The following LDB2 variants were observed in gnomAD, a reference collection of about 807,000 sequenced individuals.
LDB2 encodes the protein LIM domain-binding protein 2.
Under a neutral mutation model 44.3 loss-of-function variants are expected in LDB2, and 12 were observed. The ratio of observed to expected loss-of-function variants is 0.27; its 90% CI spans 0.17 to 0.44. The LOEUF is 0.44. Ranked by LOEUF, LDB2 falls within the 20% of genes least tolerant of loss-of-function variation. The probability of loss-of-function intolerance (pLI) is 1.00; values close to 1 mark genes in which losing one functional copy is unlikely to be tolerated. For missense variants in LDB2, 344 were observed against 473.5 expected (o/e 0.73, Z 2.54); for synonymous variants, 164 against 174.8 (o/e 0.94, Z 0.49).
chr4:16,752,412 T>G (rs73799266), intron 2 of LDB2: 6,472 of 453,554 alleles, frequency 0.014, 142 homozygotes, highest in African/African-American at 0.069. Flanking sequence ...CTCACCATTT[T>G]CCATTAATAT....
intron 1 of LDB2, among the ~76,000 whole-genome samples, chr4:16,896,334 C>T (rs114628897): frequency 0.047 from 7,126 of 152,184 alleles, 201 homozygotes; most frequent in Non-Finnish European, 0.063. Flanking sequence ...CTTTGCAAAG[C>T]ATACTGCGAA....
chr4:16,734,812 G>T (rs1056550284), intron 2 of LDB2, among the ~76,000 whole-genome samples: 1 of 150,590 alleles, frequency 6.6e-6, no homozygotes, highest in Non-Finnish European at 1.5e-5. Context: ...GGGTTCAAGC[G>T]ATTCTCCTGC....
chr4:16,741,916 C>T (rs1415416418), intron 2 of LDB2, among the ~76,000 whole-genome samples: 2 of 152,162 alleles, frequency 1.3e-5, no homozygotes, highest in Admixed American at 1.3e-4. Context: ...CTTATGAGGT[C>T]AGGGGCTCTT....
intron 6 of LDB2, 68 bp downstream of exon 6, chr4:16,511,913 C>T (rs1020605636): frequency 2.0e-6 from 3 of 1,512,222 alleles, no homozygotes; most frequent in Non-Finnish European, 2.7e-6. Flanking sequence ...TTCTTTTTCA[C>T]ATCACTTCAT....
intron 2 of LDB2, among the ~76,000 whole-genome samples, chr4:16,656,403 A>G (rs1007156565): frequency 2.0e-5 from 3 of 152,160 alleles, no homozygotes; most frequent in Non-Finnish European, 4.4e-5. Context: ...GTGCAGGACA[A>G]CTCAGTCTAA....
At chr4:16,853,254 C>T (rs1052496713) in intron 1 of LDB2, among the ~76,000 whole-genome samples, 1 of 152,022 alleles carries the variant, frequency 6.6e-6, no homozygotes, top group African/African-American at 2.4e-5. Flanking sequence ...GTTAATATCC[C>T]AAATTTGCAA....
At chr4:16,791,996 CG>C (rs1775862362) in intron 1 of LDB2, among the ~76,000 whole-genome samples, 1 of 152,124 alleles carries the variant, frequency 6.6e-6, no homozygotes, top group Non-Finnish European at 1.5e-5. Flanking sequence ...TAGTGACTTA[CG>C]TAGATAAACT....
chr4:16,589,058 G>C (rs531019434), intron 3 of LDB2, among the ~76,000 whole-genome samples: 1 of 152,302 alleles, frequency 6.6e-6, no homozygotes, highest in South Asian at 2.1e-4. Context: ...TGATGTGCTA[G>C]TAATTCTACT....
In LDB2 at chr4:16,851,562, C is replaced by T. The variant is rs573382450; in HGVS notation, c.132+46792G>A. Among the ~76,000 whole-genome samples the T allele has an allele frequency of 4.0e-5, 6 of 151,334 alleles. No homozygotes were observed. The South Asian group carries it at 8.4e-4, about 21-fold the overall frequency. On this transcript the variant is annotated intron_variant, in intron 1 of 7. Transcript: ENST00000304523. ...TGAGCCAAGCTCGCACCACTGCACT[C>T]CAGTCTGGGTGAAACAGCGAGACTC...
At chr4:16,817,247 G>A (rs562300405) in intron 1 of LDB2, among the ~76,000 whole-genome samples, 1 of 152,034 alleles carries the variant, frequency 6.6e-6, no homozygotes, top group Non-Finnish European at 1.5e-5. Flanking sequence ...TTCCCAGCTC[G>A]ACTTCCTACT....
intron 5 of LDB2, among the ~76,000 whole-genome samples, chr4:16,568,912 T>A (rs1745466480): frequency 6.6e-6 from 1 of 152,226 alleles, no homozygotes. Context: ...TCAGAGGAAT[T>A]TCGCAGGCAA....
At chr4:16,775,628 A>T (rs1579554581) in intron 1 of LDB2, among the ~76,000 whole-genome samples, 1 of 152,276 alleles carries the variant, frequency 6.6e-6, no homozygotes, top group East Asian at 1.9e-4. Context: ...GAAATGCATG[A>T]TCCAATTAGC....
At chr4:16,854,911 GAT>G (rs1789041561) in intron 1 of LDB2, among the ~76,000 whole-genome samples, 1 of 151,792 alleles carries the variant, frequency 6.6e-6, no homozygotes, top group Admixed American at 6.6e-5. Flanking sequence ...ACAGTTGCAA[GAT>G]TCAGAAAAAG....
At chr4:16,591,606 C>T (rs1404606132) in intron 3 of LDB2, among the ~76,000 whole-genome samples, 2 of 152,174 alleles carry the variant, frequency 1.3e-5, no homozygotes, top group Admixed American at 6.5e-5. Flanking sequence ...ATTACACCCA[C>T]AGCTTCCAGG....
At chr4:16,690,418 C>T (rs992314181) in intron 2 of LDB2, among the ~76,000 whole-genome samples, 1 of 146,516 alleles carries the variant, frequency 6.8e-6, no homozygotes, top group East Asian at 2.1e-4. Flanking sequence ...GCTGAGATCA[C>T]ACCACTGCAC....
chr4:16,681,907 T>G (rs920233204), intron 2 of LDB2, among the ~76,000 whole-genome samples: 31 of 152,284 alleles, frequency 2.0e-4, no homozygotes, highest in Middle Eastern at 3.4e-3. Context: ...TTGATTCCAG[T>G]TCTGCAACTT....
chr4:16,829,959 G>T (rs1783771075), intron 1 of LDB2, among the ~76,000 whole-genome samples: 1 of 152,076 alleles, frequency 6.6e-6, no homozygotes, highest in Non-Finnish European at 1.5e-5. Flanking sequence ...GCAAAAATTA[G>T]CTGGGCGTGG....
At chr4:16,699,582 G>C (rs1245746349) in intron 2 of LDB2, among the ~76,000 whole-genome samples, 1 of 152,116 alleles carries the variant, frequency 6.6e-6, no homozygotes, top group Non-Finnish European at 1.5e-5. Context: ...AATATGTGAG[G>C]TGGAGAAGTA....
chr4:16,876,019 G>A (rs541960894), intron 1 of LDB2, among the ~76,000 whole-genome samples: 4 of 152,228 alleles, frequency 2.6e-5, no homozygotes, highest in Non-Finnish European at 5.9e-5. Context: ...TATGTGCAGA[G>A]TGATGGGCTG....
Sources: allele counts gnomAD v4.1 joint callset (sites outside exome capture counted in the v4.1 genomes callset), GRCh38; gene constraint gnomAD v4.1.1; transcripts MANE v1.5; gene names NCBI Gene and HGNC (gene_info 2026-07-23, HGNC 2026-07-21).